The following HERC3 variants were observed in gnomAD, a reference collection of about 807,000 sequenced individuals.
HERC3 encodes the protein probable E3 ubiquitin-protein ligase HERC3.
In HERC3, 58 loss-of-function variants were observed where a neutral mutation model predicts 129.9. The observed-to-expected ratio is 0.45, with a 90% CI of 0.36 to 0.56. HERC3 has a LOEUF of 0.56. HERC3 is among the 20% of genes least tolerant of loss of function. The pLI is 0.00. For missense variants in HERC3, 835 were observed against 1,244.2 expected (o/e 0.67, Z 4.95); for synonymous variants, 430 against 451.0 (o/e 0.95, Z 0.59).
At chr4:88,550,751 C>T in the HERC3 span, among the ~76,000 whole-genome samples, 1 of 149,526 alleles carries the variant, frequency 6.7e-6, no homozygotes, top group East Asian at 2.0e-4. Flanking sequence ...ATCAAGCTAC[C>T]AATGACTTTC....
the HERC3 span, chr4:88,527,846 A>G: frequency 3.2e-6 from 1 of 316,610 alleles, no homozygotes; most frequent in Non-Finnish European, 6.2e-6. Flanking sequence ...CTGAATGTAT[A>G]GGTAGCTGAG....
intron 3 of HERC3, among the ~76,000 whole-genome samples, chr4:88,612,289 CTGTG>C (rs3220740): frequency 0.016 from 2,264 of 141,654 alleles, 28 homozygotes; most frequent in African/African-American, 0.027. Flanking sequence ...ATGTGACCAA[CTGTG>C]TGTGTGTGTG....
At chr4:88,626,435 A>G (rs1293872911) in intron 3 of HERC3, among the ~76,000 whole-genome samples, 3 of 152,034 alleles carry the variant, frequency 2.0e-5, no homozygotes, top group Non-Finnish European at 4.4e-5. Flanking sequence ...ATCTGGCCCT[A>G]GAGCTTTCTT....
intron 9 of HERC3, 176 bp downstream of exon 9, chr4:88,656,211 C>T (rs1007177194): frequency 6.4e-6 from 4 of 627,864 alleles, no homozygotes; most frequent in Non-Finnish European, 8.2e-6. Flanking sequence ...GAGTTGAGAT[C>T]CTAGAGAATA....
intron 2 of HERC3, among the ~76,000 whole-genome samples, chr4:88,605,279 T>G (rs1723500890): frequency 6.6e-6 from 1 of 152,202 alleles, no homozygotes; most frequent in Admixed American, 6.5e-5. Flanking sequence ...GATAACATTT[T>G]TTTTTTCTAT....
chr4:88,656,061 A>C (rs1480484708), intron 9 of HERC3, 26 bp downstream of exon 9: 1 of 1,610,648 alleles, frequency 6.2e-7, no homozygotes, highest in East Asian at 2.2e-5. Flanking sequence ...TCTGGAATTT[A>C]AAGGTATTTT....
At chr4:88,542,469 C>T in the HERC3 span, among the ~76,000 whole-genome samples, 8 of 152,174 alleles carry the variant, frequency 5.3e-5, no homozygotes, top group African/African-American at 1.9e-4. Flanking sequence ...AAAAAAAGTC[C>T]AGGACCAGAT....
In HERC3 at chr4:88,706,783, C is replaced by T; in HGVS notation, c.2976C>T (p.Ile992=). ...TGACAGGCAGCGATCGGATTCCCATCTACGGCATGGCCAGTCTGCAGATTG... is the reference window on the plus strand; with the variant it reads ...TGACAGGCAGCGATCGGATTCCCATTTACGGCATGGCCAGTCTGCAGATTG... ...LFLTGSDRIP[I]YGMASLQIVI... The change falls in exon 26 of 26, where the codon ATC becomes ATT. Residue 992 remains isoleucine, a synonymous_variant. Transcript: ENST00000402738. 1 of 1,614,202 alleles carries T rather than the reference C, an allele frequency of 6.2e-7. No individual in the cohort carries two copies. The highest frequency in any genetic ancestry group is 1.3e-5 in the African/African-American group (1 of 75,048).
At chr4:88,705,759 C>T (rs1456354451) in intron 25 of HERC3, among the ~76,000 whole-genome samples, 1 of 152,138 alleles carries the variant, frequency 6.6e-6, no homozygotes, top group Admixed American at 6.5e-5. Context: ...AAAATCAAAG[C>T]ACAGGGTTTG....
chr4:88,700,863 C>T (rs2149346875), intron 23 of HERC3, among the ~76,000 whole-genome samples: 1 of 152,246 alleles, frequency 6.6e-6, no homozygotes, highest in Admixed American at 6.5e-5. Flanking sequence ...GAATTCTTTC[C>T]TCTTTGGAGG....
At chr4:88,692,097 T>G (rs947979629) in intron 23 of HERC3, among the ~76,000 whole-genome samples, 12 of 152,240 alleles carry the variant, frequency 7.9e-5, no homozygotes, top group Non-Finnish European at 1.8e-4. Context: ...TGTGGCTGAT[T>G]ACTGGTGGCT....
At position 88,667,504 on chromosome 4, in the gene HERC3, TGTA is replaced by T; in HGVS notation, c.1443+17_1443+19del. On this transcript the variant is annotated intron_variant, in intron 13 of 25. Transcript: ENST00000402738. ...TCTAGAACAGGTATGTTTCTATATT[TGTA>T]AAGTGCATTCTTAAAAATGCATTTT... 7.3e-7 allele frequency: 1 copy of T among 1,364,886 alleles called. No individual in the cohort carries two copies. The highest frequency in any genetic ancestry group is 2.3e-5 in the East Asian group (1 of 43,004). 84.5% of individuals were successfully genotyped at this position (1,364,886 alleles called of 1,614,324 possible). A position where few individuals can be genotyped will look rare whatever the true frequency, so the allele number is the denominator to read the frequency against.
the HERC3 span, among the ~76,000 whole-genome samples, chr4:88,549,629 G>C: frequency 0.028 from 4,298 of 152,074 alleles, 102 homozygotes; most frequent in Middle Eastern, 0.092. Context: ...CCATGTTGAC[G>C]CAAAGGACAT....
intron 21 of HERC3, 41 bp downstream of exon 21, chr4:88,681,366 G>C (rs1384311122): frequency 7.8e-6 from 12 of 1,544,068 alleles, no homozygotes; most frequent in Non-Finnish European, 9.7e-6. Context: ...AACTGTTGTG[G>C]CTGCCTCTGG....
At chr4:88,685,409 A>G (rs1398386298) in intron 21 of HERC3, among the ~76,000 whole-genome samples, 2 of 152,234 alleles carry the variant, frequency 1.3e-5, no homozygotes, top group Admixed American at 6.5e-5. Flanking sequence ...ATGGAATACT[A>G]TGCAGCCATA....
chr4:88,540,906 C>T, the HERC3 span, among the ~76,000 whole-genome samples: 1 of 152,038 alleles, frequency 6.6e-6, no homozygotes, highest in Non-Finnish European at 1.5e-5. Flanking sequence ...AGATTTTGTC[C>T]CCACCAGGCC....
Position 88,691,450 on chromosome 4 carries a change from C to T in HERC3, c.2657+4151C>T, listed in dbSNP as rs72867754. 4.4e-3 allele frequency among the ~76,000 whole-genome samples: 665 copies of T among 152,314 alleles called. 5 individuals are homozygous for T. The highest frequency in any genetic ancestry group is 0.015 in the African/African-American group (636 of 41,570). On this transcript the variant is annotated intron_variant, in intron 23 of 25. Transcript: ENST00000402738. ...TGGAGGCCGGAAGTCCAAGATTAGGCTGCCAGCATGGTTAGGTTCTGGCGA... is the reference window on the plus strand; with the variant it reads ...TGGAGGCCGGAAGTCCAAGATTAGGTTGCCAGCATGGTTAGGTTCTGGCGA...
At chr4:88,539,830 A>G in the HERC3 span, among the ~76,000 whole-genome samples, 1 of 152,212 alleles carries the variant, frequency 6.6e-6, no homozygotes, top group Non-Finnish European at 1.5e-5. Flanking sequence ...CTCCAACAGA[A>G]CTATAGCTGA....
At chr4:88,668,957 T>C (rs1731326446) in intron 14 of HERC3, among the ~76,000 whole-genome samples, 1 of 152,224 alleles carries the variant, frequency 6.6e-6, no homozygotes, top group South Asian at 2.1e-4. Flanking sequence ...TCAGGTGTTC[T>C]AGTTGATGTG....
Sources: gnomAD v4.1 joint callset for allele counts (sites outside exome capture counted in the v4.1 genomes callset) on GRCh38, gnomAD v4.1.1 for gene constraint, MANE v1.5 for transcripts, NCBI Gene and HGNC (gene_info 2026-07-23, HGNC 2026-07-21) for gene names.